Variants in YAF2 observed in about 807,000 individuals in gnomAD.
YAF2 encodes YY1-associated factor 2.
In YAF2, 7 loss-of-function variants were observed where a neutral mutation model predicts 20.1. The observed-to-expected ratio is 0.35, with a 90% CI of 0.20 to 0.65. The LOEUF is 0.65. Among genes scored for constraint, YAF2 ranks in the 30% least tolerant of loss-of-function variants. The pLI is 0.69. For synonymous variants in YAF2, 74 were observed against 76.0 expected, an observed-to-expected ratio of 0.97 and a Z score of 0.14; for missense variants, 151 against 219.2, an observed-to-expected ratio of 0.69 and a Z score of 1.96.
rs1192276697 is a variant in YAF2 at position 42,159,466 on chromosome 12, G to A, written c.*1123C>T. On this transcript the variant is annotated 3_prime_UTR_variant, in exon 4 of 4. Coordinates refer to ENST00000534854, the MANE Select transcript of YAF2 (RefSeq NM_005748.6). The stretch of plus-strand genomic sequence containing the variant: ...CTGTAGTCATAAAAATATTTTATTG[G>A]TAATTTTACATAGTATAAGTGGGGC... 2.6e-5 allele frequency: 4 copies of A among 152,030 alleles called. No homozygotes were observed. In the South Asian group the frequency reaches 8.3e-4, roughly 31 times the overall value. 9.4% of individuals were successfully genotyped at this position (152,030 alleles called of 1,614,324 possible).
chr12:42,204,514 A>C (rs759531261), intron 2 of YAF2, among the ~76,000 whole-genome samples: 6 of 152,224 alleles, frequency 3.9e-5, no homozygotes, highest in Non-Finnish European at 8.8e-5. Flanking sequence ...CATGTAATGC[A>C]TATGGGAGAA....
At chr12:42,190,674 G>T (rs1322288300) in intron 2 of YAF2, among the ~76,000 whole-genome samples, 1 of 152,008 alleles carries the variant, frequency 6.6e-6, no homozygotes, top group Non-Finnish European at 1.5e-5. Flanking sequence ...TGTTATTCAT[G>T]TCTTTCATTT....
chr12:42,165,047 C>T (rs2065879852), intron 2 of YAF2, among the ~76,000 whole-genome samples: 1 of 149,696 alleles, frequency 6.7e-6, no homozygotes, highest in African/African-American at 2.5e-5. Context: ...AGAGTGAGAC[C>T]CTGTCTTCTG....
chr12:42,208,028 A>C (rs1280312405), intron 2 of YAF2, among the ~76,000 whole-genome samples: 3 of 152,252 alleles, frequency 2.0e-5, no homozygotes, highest in Non-Finnish European at 4.4e-5. Context: ...GCTTGCTCTC[A>C]AAGAACCTAA....
intron 2 of YAF2, among the ~76,000 whole-genome samples, chr12:42,196,281 G>A (rs1173259578): frequency 1.4e-5 from 2 of 147,766 alleles, no homozygotes; most frequent in Non-Finnish European, 3.0e-5. Flanking sequence ...ACAGCATCCA[G>A]AGATTAGAGT....
chr12:42,237,855 C>A (rs2068230131), intron 1 of YAF2, 131 bp from the exon 2 acceptor site: 2 of 816,370 alleles, frequency 2.4e-6, no homozygotes, highest in South Asian at 1.1e-4. Flanking sequence ...GGGCCCTCGG[C>A]GCGCCGCGCT....
rs1332019511 is a variant in YAF2, at chr12:42,213,892, T to C, written c.152+23707A>G. On this transcript the variant is annotated intron_variant, in intron 2 of 3. Transcript: ENST00000534854. ...AACAGGGGTACTACACAGACCTCCA[T>C]TTCTAATTGGAATAAATATCAGAAA... is the stretch of plus-strand genomic sequence containing the variant. Among the ~76,000 whole-genome samples, 4 of 152,182 alleles carry C rather than the reference T, an allele frequency of 2.6e-5. No individual in the cohort carries two copies. In the East Asian group the frequency reaches 7.7e-4, roughly 29 times the overall value.
intron 2 of YAF2, among the ~76,000 whole-genome samples, chr12:42,175,930 C>T (rs1379181814): frequency 6.6e-6 from 1 of 151,660 alleles, no homozygotes; most frequent in Non-Finnish European, 1.5e-5. Flanking sequence ...CTCCAGACTT[C>T]TATAACCAAC....
At chr12:42,186,068 A>G (rs574706688) in intron 2 of YAF2, among the ~76,000 whole-genome samples, 110 of 151,648 alleles carry the variant, frequency 7.3e-4, no homozygotes, top group Non-Finnish European at 1.3e-3. Context: ...GTACATGCCT[A>G]TAATCCCAGC....
At chr12:42,168,020 ATACTT>A (rs1480285803) in intron 2 of YAF2, among the ~76,000 whole-genome samples, 2 of 152,166 alleles carry the variant, frequency 1.3e-5, no homozygotes, top group Non-Finnish European at 2.9e-5. Flanking sequence ...AAGTTATAAA[ATACTT>A]TAAGTAATAT....
At chr12:42,183,152 G>GT (rs2066387542) in intron 2 of YAF2, among the ~76,000 whole-genome samples, 1 of 152,102 alleles carries the variant, frequency 6.6e-6, no homozygotes, top group Non-Finnish European at 1.5e-5. Flanking sequence ...AACTAAATTG[G>GT]TAAGTGTTTG....
chr12:42,165,394 A>G (rs987030376), intron 2 of YAF2, among the ~76,000 whole-genome samples: 1 of 152,166 alleles, frequency 6.6e-6, no homozygotes, highest in African/African-American at 2.4e-5. Flanking sequence ...GAGTAAACCC[A>G]ATTTCTTATT....
chr12:42,173,202 C>G (rs712117), intron 2 of YAF2, among the ~76,000 whole-genome samples: 2,716 of 152,254 alleles, frequency 0.018, 80 homozygotes, highest in African/African-American at 0.061. Flanking sequence ...AGAGATCTTT[C>G]TTTCTCAGCC....
intron 2 of YAF2, among the ~76,000 whole-genome samples, chr12:42,224,388 T>C (rs1191657308): frequency 1.3e-5 from 2 of 152,318 alleles, no homozygotes; most frequent in African/African-American, 4.8e-5. Context: ...ATTTCTTTTT[T>C]TTATTATACT....
chr12:42,210,246 G>T (rs1405766023), intron 2 of YAF2: 1 of 550,228 alleles, frequency 1.8e-6, no homozygotes, highest in African/African-American at 1.9e-5. Flanking sequence ...TGTACAAAAA[G>T]AAGCTATCCC....
chr12:42,215,892 A>G (rs1592023504), intron 2 of YAF2, among the ~76,000 whole-genome samples: 1 of 152,064 alleles, frequency 6.6e-6, no homozygotes, highest in Non-Finnish European at 1.5e-5. Context: ...ACTGCACTCC[A>G]GCAGCCTAGG....
chr12:42,195,236 G>T (rs980315875), intron 2 of YAF2, among the ~76,000 whole-genome samples: 3 of 152,114 alleles, frequency 2.0e-5, no homozygotes, highest in Admixed American at 2.0e-4. Flanking sequence ...AGTAATAAAG[G>T]TTTGACTCAT....
chr12:42,187,768 A>G (rs2066510468), intron 2 of YAF2, among the ~76,000 whole-genome samples: 1 of 152,246 alleles, frequency 6.6e-6, no homozygotes, highest in Admixed American at 6.5e-5. Flanking sequence ...CATCTCTTGC[A>G]TTCATGCCTT....
At position 42,192,673 on chromosome 12, in the gene YAF2, G is replaced by T. The variant is rs57632258; in HGVS notation, c.153-30908C>A. Among the ~76,000 whole-genome samples, 1,018 of 152,322 alleles carry T rather than the reference G, an allele frequency of 6.7e-3. 13 individuals are homozygous for T. The highest frequency in any genetic ancestry group is 0.023 in the African/African-American group (943 of 41,566). On this transcript the variant is annotated intron_variant, in intron 2 of 3. Coordinates refer to ENST00000534854, the MANE Select transcript of YAF2 (RefSeq NM_005748.6). ...CACACTATTAGAGTAGCCCAGAAAA[G>T]AGATGGTGGCTTAGGGTAGCTGACA...
Sources: gnomAD v4.1 joint callset for allele counts (sites outside exome capture counted in the v4.1 genomes callset) on GRCh38, gnomAD v4.1.1 for gene constraint, MANE v1.5 for transcripts, NCBI Gene and HGNC (gene_info 2026-07-23, HGNC 2026-07-21) for gene names.